The following WDPCP variants were observed in gnomAD, a reference collection of about 807,000 sequenced individuals.
The protein encoded by WDPCP is WD repeat containing planar cell polarity effector.
Under a neutral mutation model 93.1 loss-of-function variants are expected in WDPCP, and 71 were observed. The ratio of observed to expected loss-of-function variants is 0.76; its 90% CI spans 0.63 to 0.93. The LOEUF (loss-of-function observed/expected upper bound fraction) is 0.93. Among genes scored for constraint, WDPCP ranks in the 40% least tolerant of loss-of-function variants. The pLI is 0.00. For missense variants in WDPCP, 844 were observed against 887.4 expected (o/e 0.95, Z 0.62); for synonymous variants, 315 against 315.0 (o/e 1.00, Z 0.00).
At chr2:63,486,729 T>A in intron 3 of WDPCP, 143 bp from the exon 4 acceptor site, 2 of 724,164 alleles carry the variant, frequency 2.8e-6, no homozygotes, top group Non-Finnish European at 4.4e-6. Flanking sequence ...TATGCTTAGG[T>A]TCTAAAAGGA....
intron 1 of WDPCP, among the ~76,000 whole-genome samples, chr2:63,583,265 G>T (rs562916938): frequency 6.6e-6 from 1 of 152,252 alleles, no homozygotes; most frequent in South Asian, 2.1e-4. Context: ...GCCAATAAAG[G>T]AGATAAAATG....
In WDPCP at chr2:63,440,210, T is replaced by C. The variant is rs944466015; in HGVS notation, c.385-339A>G. On this transcript the variant is annotated intron_variant, in intron 6 of 17. Transcript: ENST00000272321. ...TGGATTCAGAAAATGTAATGTATTC[T>C]ATTATTTTGAAAAATTACTATTATA... is the stretch of plus-strand genomic sequence containing the variant. The C allele has an allele frequency of 1.8e-4, 36 of 205,640 alleles. 1 individual carries two copies. Among genetic ancestry groups the C allele is most frequent in the Admixed American group, 1.7e-3 (32 of 18,608 alleles). The allele number at this position is 205,640 out of a possible 1,614,324, so 12.7% of individuals were successfully genotyped here.
chr2:63,124,384 A>G (rs1669752832), intron 17 of WDPCP, among the ~76,000 whole-genome samples: 1 of 152,114 alleles, frequency 6.6e-6, no homozygotes, highest in African/African-American at 2.4e-5. Flanking sequence ...TACAGCAACG[A>G]AAGGGTTTTC....
chr2:63,622,454 G>T, intron 3 of WDPCP: 1 of 1,613,934 alleles, frequency 6.2e-7, no homozygotes, highest in Non-Finnish European at 8.5e-7. Flanking sequence ...CTTCCCGGCG[G>T]ATTTCAGTCC....
chr2:63,804,264 T>A lies in WDPCP; in HGVS notation n.308+9358A>T, dbSNP rs1670732948. Among the ~76,000 whole-genome samples, 3 of 151,810 alleles carry A rather than the reference T, an allele frequency of 2.0e-5. 1 individual carries two copies. The highest frequency in any genetic ancestry group is 7.3e-5 in the African/African-American group (3 of 41,292). The stretch of plus-strand genomic sequence containing the variant: ...AACCAGATACTCCTTTTTTTTTTTT[T>A]TTTTGAGGCAGAGTCTCGCTCTGTC... On this transcript the variant is annotated intron_variant and non_coding_transcript_variant, in intron 2 of 4. Coordinates refer to the WDPCP transcript ENST00000467687.
At chr2:63,385,192 T>C (rs1352680529) in intron 10 of WDPCP, among the ~76,000 whole-genome samples, 11 of 152,142 alleles carry the variant, frequency 7.2e-5, no homozygotes, top group Non-Finnish European at 1.6e-4. Context: ...ATCATACTTA[T>C]AGTGAAAGAT....
intron 1 of WDPCP, among the ~76,000 whole-genome samples, chr2:63,534,941 C>T (rs1415937501): frequency 6.6e-5 from 10 of 152,202 alleles, no homozygotes; most frequent in South Asian, 2.1e-4. Flanking sequence ...GCAGATGACA[C>T]GATTGTATAT....
chr2:63,157,913 T>A (rs748749775), intron 15 of WDPCP, among the ~76,000 whole-genome samples: 17 of 152,144 alleles, frequency 1.1e-4, no homozygotes, highest in Admixed American at 5.2e-4. Context: ...GAGTTTACTT[T>A]GCTTTTCTTC....
chr2:63,398,599 TA>T (rs1693922478), intron 10 of WDPCP, among the ~76,000 whole-genome samples: 11 of 152,174 alleles, frequency 7.2e-5, no homozygotes, highest in African/African-American at 2.2e-4. Flanking sequence ...TGACCTAATC[TA>T]AGAGTCTAAC....
intron 17 of WDPCP, among the ~76,000 whole-genome samples, chr2:63,126,974 T>A (rs1157452120): frequency 6.6e-6 from 1 of 152,110 alleles, no homozygotes; most frequent in African/African-American, 2.4e-5. Flanking sequence ...TAAGTCACCA[T>A]GCCTGGCCTG....
chr2:63,651,676 G>A (rs1277850922), intron 2 of WDPCP, among the ~76,000 whole-genome samples: 3 of 152,170 alleles, frequency 2.0e-5, no homozygotes, highest in Middle Eastern at 3.4e-3. Context: ...GAGGTCTACC[G>A]GCCTTACTGA....
chr2:63,191,172 C>G (rs1675009521), intron 14 of WDPCP, among the ~76,000 whole-genome samples: 2 of 152,130 alleles, frequency 1.3e-5, no homozygotes, highest in South Asian at 2.1e-4. Flanking sequence ...GCAGGCGGAT[C>G]ACAAGGTCAG....
At chr2:63,620,065 G>T (rs1229971018) in intron 3 of WDPCP, among the ~76,000 whole-genome samples, 4 of 152,172 alleles carry the variant, frequency 2.6e-5, no homozygotes, top group Non-Finnish European at 5.9e-5. Context: ...CACCACCAGG[G>T]CCCTAGGTTT....
chr2:63,480,506 C>T (rs528240961), intron 6 of WDPCP, among the ~76,000 whole-genome samples: 1 of 152,078 alleles, frequency 6.6e-6, no homozygotes, highest in African/African-American at 2.4e-5. Flanking sequence ...CCATAGTTAC[C>T]AAAACAGCGT....
chr2:63,590,514 T>G (rs944146903), upstream of WDPCP: 9 of 152,228 alleles, frequency 5.9e-5, no homozygotes, highest in Non-Finnish European at 1.2e-4. Flanking sequence ...ATACTGCATA[T>G]ACAAACTCAA....
intron 15 of WDPCP, among the ~76,000 whole-genome samples, chr2:63,164,951 A>G (rs1201555964): frequency 6.6e-6 from 1 of 152,212 alleles, no homozygotes; most frequent in Non-Finnish European, 1.5e-5. Flanking sequence ...AGAGAAGGCA[A>G]TAAGTGAGGA....
chr2:63,217,340 A>T (rs896516773), intron 14 of WDPCP, among the ~76,000 whole-genome samples: 1 of 152,234 alleles, frequency 6.6e-6, no homozygotes, highest in African/African-American at 2.4e-5. Flanking sequence ...TTGTGACAGA[A>T]ACTGTGTGGC....
Position 63,794,258 on chromosome 2 carries a change from T to G in WDPCP, n.308+19364A>C, listed in dbSNP as rs563083407. Among the ~76,000 whole-genome samples, 8 of 152,280 alleles carry G rather than the reference T, an allele frequency of 5.3e-5. No homozygotes were observed. In the South Asian group the frequency reaches 1.7e-3, roughly 32 times the overall value. ...AACATCTATTCCACCCCTCCCACAATGTACAGTAGCCATATGTTTTAAGGA... is the reference window on the plus strand; with the variant it reads ...AACATCTATTCCACCCCTCCCACAAGGTACAGTAGCCATATGTTTTAAGGA... On this transcript the variant is annotated intron_variant and non_coding_transcript_variant, in intron 2 of 4. Transcript: ENST00000467687.
chr2:63,205,035 A>C (rs1676224216), intron 14 of WDPCP, among the ~76,000 whole-genome samples: 1 of 152,168 alleles, frequency 6.6e-6, no homozygotes, highest in Non-Finnish European at 1.5e-5. Context: ...CAAGAGATAC[A>C]GGTTTAGTTT....
Sources: allele counts gnomAD v4.1 joint callset (sites outside exome capture counted in the v4.1 genomes callset), GRCh38; gene constraint gnomAD v4.1.1; transcripts MANE v1.5; gene names NCBI Gene and HGNC (gene_info 2026-07-23, HGNC 2026-07-21).